The following PTGR1 variants were observed in gnomAD, a reference collection of about 807,000 sequenced individuals.
PTGR1 encodes prostaglandin reductase 1.
In PTGR1, 23 loss-of-function variants were observed where a neutral mutation model predicts 37.7. The ratio of observed to expected loss-of-function variants is 0.61; its 90% CI spans 0.44 to 0.86. PTGR1 has a LOEUF of 0.86. Ranked by LOEUF, PTGR1 falls within the 40% of genes least tolerant of loss-of-function variation. PTGR1 has a pLI of 0.00. For missense variants in PTGR1, 351 were observed against 394.3 expected (o/e 0.89, Z 0.93); for synonymous variants, 134 against 140.0 (o/e 0.96, Z 0.30).
At chr9:111,572,756 CAA>C (rs58101079) in intron 8 of PTGR1, among the ~76,000 whole-genome samples, 9 of 63,506 alleles carry the variant, frequency 1.4e-4, no homozygotes, top group African/African-American at 6.1e-4. Context: ...GACCCTGTCT[CAA>C]AAAAAAAAAA....
At chr9:111,599,392 A>T (rs1829876252) in intron 1 of PTGR1, 1 of 152,248 alleles carries the variant, frequency 6.6e-6, no homozygotes, top group Admixed American at 6.5e-5. Context: ...GCGCGGCTCC[A>T]AGCTCTCCAA....
intron 2 of PTGR1, among the ~76,000 whole-genome samples, chr9:111,596,548 C>T (rs1589324910): frequency 6.6e-6 from 1 of 150,466 alleles, no homozygotes; most frequent in Admixed American, 6.6e-5. Context: ...GTCAGGAGTT[C>T]GAGACCAGCC....
At chr9:111,596,606 A>C (rs975785388) in intron 2 of PTGR1, among the ~76,000 whole-genome samples, 34 of 151,808 alleles carry the variant, frequency 2.2e-4, no homozygotes, top group Non-Finnish European at 5.0e-4. Context: ...CAAAAAAAAA[A>C]AAAAATTAGC....
intron 1 of PTGR1, among the ~76,000 whole-genome samples, chr9:111,597,743 G>C (rs1310230463): frequency 6.6e-6 from 1 of 152,254 alleles, no homozygotes; most frequent in East Asian, 1.9e-4. Flanking sequence ...AAACAACAAA[G>C]AAATTCTTCC....
intron 2 of PTGR1, among the ~76,000 whole-genome samples, chr9:111,594,549 C>CTTTTT (rs71373753): frequency 4.7e-5 from 6 of 127,210 alleles, no homozygotes; most frequent in African/African-American, 8.8e-5. Context: ...TTTTGGCATT[C>CTTTTT]TTTTTTTTTT....
chr9:111,557,669 A>T (rs1828164674), downstream of PTGR1, among the ~76,000 whole-genome samples: 1 of 151,854 alleles, frequency 6.6e-6, no homozygotes, highest in South Asian at 2.1e-4. Context: ...GCCTCAAGTG[A>T]TCCGCCCACC....
At chr9:111,593,166 G>A (rs1264323432) in intron 3 of PTGR1, among the ~76,000 whole-genome samples, 184 bp from the exon 4 acceptor site, 2 of 152,110 alleles carry the variant, frequency 1.3e-5, no homozygotes, top group Non-Finnish European at 2.9e-5. Context: ...GATACAGGAG[G>A]AAAGCTGTTA....
At chr9:111,579,037 T>G in intron 6 of PTGR1, 86 bp from the exon 7 acceptor site, 2 of 1,300,832 alleles carry the variant, frequency 1.5e-6, no homozygotes, top group Non-Finnish European at 2.1e-6. Flanking sequence ...TATGCCTAGG[T>G]TCCCTAGGAA....
chr9:111,588,287 C>T (rs1454619544), intron 4 of PTGR1, among the ~76,000 whole-genome samples: 3 of 151,534 alleles, frequency 2.0e-5, no homozygotes, highest in African/African-American at 4.9e-5. Flanking sequence ...AGCTCCGCCT[C>T]CCCGGTTCAC....
intron 9 of PTGR1, among the ~76,000 whole-genome samples, chr9:111,551,565 G>A (rs1424148606): frequency 1.3e-5 from 2 of 151,658 alleles, no homozygotes; most frequent in South Asian, 2.1e-4. Context: ...ACACTGCCAC[G>A]CCTGGCTAAT....
At chr9:111,557,284 G>T (rs1388052183) in intron 9 of PTGR1, among the ~76,000 whole-genome samples, 2 of 151,724 alleles carry the variant, frequency 1.3e-5, no homozygotes, top group Non-Finnish European at 2.9e-5. Flanking sequence ...TGAGGTGGGA[G>T]AATTGCTTGA....
At chr9:111,589,480 C>T in intron 4 of PTGR1, 1 of 529,346 alleles carries the variant, frequency 1.9e-6, no homozygotes, top group Non-Finnish European at 2.4e-6. Context: ...TGGTCTTGAA[C>T]TCCTGAATTC....
In PTGR1 at chr9:111,597,441, C is replaced by A; in HGVS notation, c.-10-9G>T. ...GAACCATCCTGAAGCTCCTAGAACA[C>A]AGTAAATATGTAGTCAACTGCCATG... is the stretch of plus-strand genomic sequence containing the variant. On this transcript the variant is annotated splice_polypyrimidine_tract_variant and intron_variant, in intron 1 of 9. Transcript: ENST00000407693. The A allele has an allele frequency of 1.3e-6, 2 of 1,558,442 alleles. No homozygotes were observed. Among genetic ancestry groups the A allele is most frequent in the Non-Finnish European group, 1.8e-6 (2 of 1,133,950 alleles).
intron 9 of PTGR1, 61 bp downstream of exon 9, chr9:111,570,030 G>T (rs765669854): frequency 1.2e-6 from 2 of 1,605,146 alleles, no homozygotes; most frequent in South Asian, 1.1e-5. Context: ...CAAAAGCCTT[G>T]AGAGGCAAAG....
chr9:111,565,275 G>C (rs1056180847), intron 9 of PTGR1, among the ~76,000 whole-genome samples: 5 of 152,172 alleles, frequency 3.3e-5, no homozygotes, highest in African/African-American at 1.2e-4. Context: ...AAGTTGAAAA[G>C]AGAGAGGCCT....
Position 111,570,742 on chromosome 9 carries a change from G to A in PTGR1, c.761-533C>T, listed in dbSNP as rs993039165. ...TGCAGTGAGCCAAGATCGTGCCACC[G>A]CACTCCAGTCTGGGTGACAGAATGA... is the stretch of plus-strand genomic sequence containing the variant. On this transcript the variant is annotated intron_variant, in intron 8 of 9. Transcript: ENST00000407693. Among the ~76,000 whole-genome samples the A allele has an allele frequency of 3.3e-5, 5 of 152,114 alleles. No homozygotes were observed. The East Asian group carries it at 7.7e-4, about 24-fold the overall frequency.
intron 9 of PTGR1, among the ~76,000 whole-genome samples, chr9:111,553,267 A>G (rs1453029901): frequency 6.6e-6 from 1 of 152,202 alleles, no homozygotes; most frequent in Admixed American, 6.5e-5. Flanking sequence ...AATGTGCACT[A>G]TACTGTCTCT....
intron 8 of PTGR1, among the ~76,000 whole-genome samples, chr9:111,573,858 T>C (rs1244405479): frequency 6.6e-6 from 1 of 152,104 alleles, no homozygotes; most frequent in East Asian, 1.9e-4. Flanking sequence ...GGGATGTGGT[T>C]TCAGCATAAG....
At chr9:111,554,096 C>T (rs1302496998) in intron 9 of PTGR1, among the ~76,000 whole-genome samples, 1 of 152,216 alleles carries the variant, frequency 6.6e-6, no homozygotes, top group East Asian at 1.9e-4. Flanking sequence ...AGAGATCTCA[C>T]ACAGGCTTCC....
Sources: allele counts gnomAD v4.1 joint callset (sites outside exome capture counted in the v4.1 genomes callset), GRCh38; gene constraint gnomAD v4.1.1; transcripts MANE v1.5; gene names NCBI Gene and HGNC (gene_info 2026-07-23, HGNC 2026-07-21).